The following CHN1 variants were observed in gnomAD, a reference collection of about 807,000 sequenced individuals.
CHN1 encodes N-chimaerin.
In CHN1, 37 loss-of-function variants were observed where a neutral mutation model predicts 59.5. The ratio of observed to expected loss-of-function variants is 0.62; its 90% CI spans 0.48 to 0.82. CHN1 has a LOEUF of 0.82. Among genes scored for constraint, CHN1 ranks in the 40% least tolerant of loss-of-function variants. CHN1 has a pLI of 0.00. For synonymous variants in CHN1, 206 were observed against 200.4 expected (o/e 1.03, Z -0.24); for missense variants, 469 against 571.0 (o/e 0.82, Z 1.82).
intron 6 of CHN1, among the ~76,000 whole-genome samples, chr2:174,851,998 T>C (rs967961484): frequency 1.3e-5 from 2 of 151,908 alleles, no homozygotes; most frequent in Non-Finnish European, 1.5e-5. Flanking sequence ...TAATCCCATC[T>C]GGGCACAGTG....
intron 5 of CHN1, among the ~76,000 whole-genome samples, chr2:174,903,720 AATT>A (rs1688458857): frequency 6.6e-6 from 1 of 152,204 alleles, no homozygotes; most frequent in African/African-American, 2.4e-5. Context: ...GTTACTATAA[AATT>A]ATTTTTATAA....
At chr2:174,953,766 C>T (rs755596604) in intron 1 of CHN1, among the ~76,000 whole-genome samples, 11 of 152,092 alleles carry the variant, frequency 7.2e-5, no homozygotes, top group Non-Finnish European at 1.5e-4. Flanking sequence ...AGGAAAACTG[C>T]AAAACACTAC....
At chr2:174,931,485 C>T (rs995696455) in intron 3 of CHN1, among the ~76,000 whole-genome samples, 3 of 152,216 alleles carry the variant, frequency 2.0e-5, no homozygotes, top group African/African-American at 7.2e-5. Context: ...CATTGTACCT[C>T]CCATCCATTC....
intron 3 of CHN1, among the ~76,000 whole-genome samples, chr2:174,920,780 C>T (rs971024038): frequency 6.6e-6 from 1 of 152,054 alleles, no homozygotes; most frequent in Non-Finnish European, 1.5e-5. Flanking sequence ...AGGGCAGGAG[C>T]GGGGGTATGG....
At chr2:174,907,170 G>C (rs1451039320) in intron 5 of CHN1, among the ~76,000 whole-genome samples, 1 of 152,090 alleles carries the variant, frequency 6.6e-6, no homozygotes, top group East Asian at 1.9e-4. Context: ...AGGAAATGAG[G>C]GATCAATTGT....
intron 5 of CHN1, among the ~76,000 whole-genome samples, chr2:174,897,626 A>G (rs573519073): frequency 2.0e-5 from 3 of 152,272 alleles, no homozygotes; most frequent in African/African-American, 7.2e-5. Context: ...CAGCCCGTCT[A>G]GTAGCTAGTT....
At chr2:174,990,537 A>G (rs1251317608) in intron 1 of CHN1, among the ~76,000 whole-genome samples, 4 of 152,100 alleles carry the variant, frequency 2.6e-5, no homozygotes, top group African/African-American at 4.8e-5. Context: ...AAAATTCAGG[A>G]TGACAAGCCT....
chr2:174,864,430 T>C (rs202146556), intron 6 of CHN1, among the ~76,000 whole-genome samples: 2 of 152,342 alleles, frequency 1.3e-5, no homozygotes, highest in East Asian at 3.9e-4. Flanking sequence ...TTATCTAAAA[T>C]ATAATAAATG....
chr2:175,004,481 T>C (rs548244372), intron 1 of CHN1, among the ~76,000 whole-genome samples: 1 of 152,300 alleles, frequency 6.6e-6, no homozygotes, highest in African/African-American at 2.4e-5. Flanking sequence ...CACATGCATT[T>C]GGCAATTCCA....
At chr2:174,809,735 T>A (rs1463264) in intron 10 of CHN1, among the ~76,000 whole-genome samples, 56,133 of 152,166 alleles carry the variant, frequency 0.37, 12,109 homozygotes, top group Admixed American at 0.55. Flanking sequence ...GGCTATACCA[T>A]ATCAGCAAGA....
At position 174,816,804 on chromosome 2, in the gene CHN1, T is replaced by C. The variant is rs185474675; in HGVS notation, c.713-4322A>G. The stretch of plus-strand genomic sequence containing the variant: ...TTGTCCAGAACTGGAAGAACTCTTA[T>C]AACAACGTTTTAGAAGCATGAAATT... On this transcript the variant is annotated intron_variant, in intron 8 of 12. Transcript: ENST00000409900. Among the ~76,000 whole-genome samples the C allele has an allele frequency of 7.2e-5, 11 of 152,316 alleles. No individual in the cohort carries two copies. The East Asian group carries it at 2.1e-3, about 29-fold the overall frequency.
At chr2:174,972,210 T>A (rs973171502) in intron 1 of CHN1, among the ~76,000 whole-genome samples, 1 of 152,138 alleles carries the variant, frequency 6.6e-6, no homozygotes, top group African/African-American at 2.4e-5. Context: ...ATGAAATGTT[T>A]AGGATGTTCT....
intron 7 of CHN1, among the ~76,000 whole-genome samples, chr2:174,834,417 A>AGTTACT (rs1685998048): frequency 6.6e-6 from 1 of 152,206 alleles, no homozygotes; most frequent in Admixed American, 6.5e-5. Context: ...TTTCTTAAAA[A>AGTTACT]GTTACTGTAA....
At chr2:175,001,111 A>T (rs745545805) in intron 1 of CHN1, among the ~76,000 whole-genome samples, 1 of 152,136 alleles carries the variant, frequency 6.6e-6, no homozygotes, top group Non-Finnish European at 1.5e-5. Flanking sequence ...ACACCAGTAC[A>T]AGAAGGAACA....
In CHN1 at chr2:174,812,615, T is replaced by C. The variant is rs1685114760; in HGVS notation, c.713-133A>G. 5.8e-6 allele frequency: 4 copies of C among 694,362 alleles called. 1 individual carries two copies. The South Asian group carries it at 8.9e-5, about 15-fold the overall frequency. The allele number at this position is 694,362 out of a possible 1,614,324, so 43.0% of individuals were successfully genotyped here. ...AGTGGACTAGACTCCAGCAGTTCTT[T>C]CTTGGTGGAAAAACAATAATTTTCA... On this transcript the variant is annotated intron_variant, in intron 8 of 12. Coordinates refer to ENST00000409900, the MANE Select transcript of CHN1 (RefSeq NM_001822.7).
At chr2:174,989,563 G>C (rs1191704925) in intron 1 of CHN1, among the ~76,000 whole-genome samples, 1 of 152,020 alleles carries the variant, frequency 6.6e-6, no homozygotes, top group Admixed American at 6.5e-5. Context: ...CCTAAGGTGG[G>C]AGGAGTGCTT....
chr2:174,879,754 C>G (rs1558964536), intron 5 of CHN1, among the ~76,000 whole-genome samples: 1 of 152,162 alleles, frequency 6.6e-6, no homozygotes, highest in Non-Finnish European at 1.5e-5. Context: ...TTGTATCAGA[C>G]ACATTTCAAT....
At chr2:174,957,590 A>AATTC (rs753077867) in intron 1 of CHN1, among the ~76,000 whole-genome samples, 5 of 152,142 alleles carry the variant, frequency 3.3e-5, no homozygotes, top group East Asian at 3.9e-4. Context: ...CTGTTATTAT[A>AATTC]ATTCAATCCT....
chr2:174,947,054 C>A (rs1015697707), intron 2 of CHN1, among the ~76,000 whole-genome samples: 1 of 151,986 alleles, frequency 6.6e-6, no homozygotes, highest in Non-Finnish European at 1.5e-5. Context: ...GAAAGTGCTG[C>A]CATCTATGAA....
Sources: allele counts gnomAD v4.1 joint callset (sites outside exome capture counted in the v4.1 genomes callset), GRCh38; gene constraint gnomAD v4.1.1; transcripts MANE v1.5; gene names NCBI Gene and HGNC (gene_info 2026-07-23, HGNC 2026-07-21).